Variants in SLC16A2 observed in about 807,000 individuals in gnomAD.
SLC16A2 encodes the protein monocarboxylate transporter 8.
A neutral mutation model predicts 27.2 loss-of-function variants in SLC16A2; 3 were observed. The observed-to-expected ratio is 0.11, with a 90% CI of 0.05 to 0.28. The LOEUF (loss-of-function observed/expected upper bound fraction) is 0.28. Among genes scored for constraint, SLC16A2 ranks in the 10% least tolerant of loss-of-function variants. The pLI, the probability that SLC16A2 is intolerant of heterozygous loss-of-function variation, is 1.00. For missense variants in SLC16A2, 295 were observed against 458.5 expected (o/e 0.64, Z 3.26); for synonymous variants, 202 against 187.8 (o/e 1.08, Z -0.62).
chrX:74,425,633 A>G (rs1471713982), intron 1 of SLC16A2, among the ~76,000 whole-genome samples: 1 of 110,824 alleles, frequency 9.0e-6, no homozygotes, highest in Non-Finnish European at 1.9e-5. Flanking sequence ...AAGAGAAGCA[A>G]GACGCCATTG....
intron 1 of SLC16A2, among the ~76,000 whole-genome samples, chrX:74,427,807 G>GCA (rs1569282258): frequency 4.2e-5 from 3 of 70,799 alleles, no homozygotes; most frequent in African/African-American, 1.8e-4. Context: ...GCGTGCACGC[G>GCA]CGCGCACACA....
At chrX:74,473,245 T>A in intron 1 of SLC16A2, 2 of 761,440 alleles carry the variant, frequency 2.6e-6, no homozygotes, top group Non-Finnish European at 4.0e-6. Flanking sequence ...ATTATAGCCA[T>A]CCCCACCGCC....
chrX:74,490,412 G>C (rs1426217531), intron 1 of SLC16A2, among the ~76,000 whole-genome samples: 1 of 109,182 alleles, frequency 9.2e-6, no homozygotes, highest in Non-Finnish European at 1.9e-5. Flanking sequence ...GGGCTTTTGT[G>C]GAGTGGGTTG....
At chrX:74,466,722 T>C (rs1929258830) in intron 1 of SLC16A2, among the ~76,000 whole-genome samples, 1 of 111,911 alleles carries the variant, frequency 8.9e-6, no homozygotes, top group South Asian at 3.8e-4. Context: ...TGCAAACCCA[T>C]GCTTCTTCCA....
chrX:74,485,538 C>T (rs1490966433), intron 1 of SLC16A2, among the ~76,000 whole-genome samples: 1 of 110,665 alleles, frequency 9.0e-6, no homozygotes, highest in Non-Finnish European at 1.9e-5. Context: ...AGGCTGCTCC[C>T]AAGATGGGGC....
At chrX:74,431,609 C>T (rs925643030) in intron 1 of SLC16A2, among the ~76,000 whole-genome samples, 9 of 111,596 alleles carry the variant, frequency 8.1e-5, no homozygotes, top group Admixed American at 9.5e-5. Flanking sequence ...ACATGTACAC[C>T]GGAACCTAAA....
chrX:74,514,144 A>G (rs1930277732), intron 1 of SLC16A2, among the ~76,000 whole-genome samples: 1 of 110,985 alleles, frequency 9.0e-6, no homozygotes. Flanking sequence ...CACATGGGCT[A>G]GGAAAGTTGG....
rs749396500 is a variant in SLC16A2 at position 74,531,522 on chromosome X, C to T, written c.1589C>T (p.Pro530Leu). The T allele has an allele frequency of 2.2e-5, 26 of 1,206,270 alleles. No homozygotes were observed. The Admixed American group carries it at 2.8e-4, about 13-fold the overall frequency. Residue 530 changes from proline to leucine, a missense_variant, in exon 6 of 6, where the codon CCG becomes CTG. Pro to Leu is a moderately conservative substitution (Grantham distance 98, BLOSUM62 -3). Transcript: ENST00000587091. ...PDPDPNGELL[P>L]GSPNPEEPI ...CCAGACCCCAATGGGGAGCTACTGC[C>T]GGGCTCCCCCAACCCTGAGGAACCA...
chrX:74,495,809 C>T (rs999843480), intron 1 of SLC16A2, among the ~76,000 whole-genome samples: 4 of 111,091 alleles, frequency 3.6e-5, no homozygotes, highest in African/African-American at 1.3e-4. Flanking sequence ...TTCCTCTGGC[C>T]GAGGCCCTTG....
intron 1 of SLC16A2, among the ~76,000 whole-genome samples, chrX:74,442,083 C>A (rs1391372139): frequency 2.7e-5 from 3 of 109,421 alleles, no homozygotes; most frequent in Non-Finnish European, 5.7e-5. Flanking sequence ...ACAAAATTAG[C>A]CAGACGTGGT....
intron 1 of SLC16A2, among the ~76,000 whole-genome samples, chrX:74,463,688 G>T (rs150365496): frequency 9.0e-6 from 1 of 110,685 alleles, no homozygotes; most frequent in Admixed American, 9.6e-5. Context: ...CACCATACCC[G>T]GCTAATTTTT....
chrX:74,454,949 T>TA (rs151072605), intron 1 of SLC16A2, among the ~76,000 whole-genome samples: 1 of 111,674 alleles, frequency 9.0e-6, no homozygotes, highest in Admixed American at 9.6e-5. Context: ...TGTATTCTTA[T>TA]AAAAAATACA....
intron 1 of SLC16A2, among the ~76,000 whole-genome samples, chrX:74,466,304 A>G (rs1929249142): frequency 9.0e-6 from 1 of 111,285 alleles, no homozygotes; most frequent in Admixed American, 9.6e-5. Context: ...CTCCCTACTT[A>G]CCATTCCTCT....
chrX:74,533,208 G>C lies in SLC16A2; in HGVS notation c.*1655G>C, dbSNP rs1325461756. 1 of 112,191 alleles carries C rather than the reference G, an allele frequency of 8.9e-6. No homozygotes were observed. The highest frequency in any genetic ancestry group is 2.8e-4 in the East Asian group (1 of 3,546). The allele number at this position is 112,191 out of a possible 1,213,427, so 9.2% of individuals were successfully genotyped here. ...TGAGGTTGTCCTGAGGGGCTCCAAAGAAGACAATAGTTCCCACTCATGATT... is the reference window on the plus strand; with the variant it reads ...TGAGGTTGTCCTGAGGGGCTCCAAACAAGACAATAGTTCCCACTCATGATT... On this transcript the variant is annotated 3_prime_UTR_variant, in exon 6 of 6. Transcript: ENST00000587091.
At chrX:74,439,214 C>T (rs1412253274) in intron 1 of SLC16A2, among the ~76,000 whole-genome samples, 2 of 87,403 alleles carry the variant, frequency 2.3e-5, no homozygotes, top group African/African-American at 9.5e-5. Context: ...TTCTTCCTTC[C>T]TTCCTTTCTC....
chrX:74,473,225 T>G, intron 1 of SLC16A2: 1 of 792,773 alleles, frequency 1.3e-6, no homozygotes. Flanking sequence ...CTTCCATCAT[T>G]ACCAAATCCA....
intron 1 of SLC16A2, among the ~76,000 whole-genome samples, chrX:74,428,626 CCTTTCCCCTTCCTTTCCTCTCTTA>C (rs1348879546): frequency 3.6e-5 from 4 of 110,939 alleles, no homozygotes; most frequent in Non-Finnish European, 5.7e-5. Context: ...CTCCCTTCCC[CCTTTCCCCTTCCTTTCCTCTCTTA>C]CTTTCCACTT....
intron 1 of SLC16A2, among the ~76,000 whole-genome samples, chrX:74,468,195 G>A (rs1049912110): frequency 9.9e-5 from 11 of 111,121 alleles, no homozygotes; most frequent in African/African-American, 3.3e-4. Flanking sequence ...CCATTACCAC[G>A]ATCAATTTTA....
intron 1 of SLC16A2, among the ~76,000 whole-genome samples, chrX:74,512,340 T>G (rs1295832350): frequency 8.9e-6 from 1 of 112,294 alleles, no homozygotes; most frequent in East Asian, 2.8e-4. Context: ...AGCAGTTGGA[T>G]AGCTTAGCCT....
Sources: gnomAD v4.1 joint callset for allele counts (sites outside exome capture counted in the v4.1 genomes callset) on GRCh38, gnomAD v4.1.1 for gene constraint, MANE v1.5 for transcripts, NCBI Gene and HGNC (gene_info 2026-07-23, HGNC 2026-07-21) for gene names.